Variants in CBFA2T2 observed in about 807,000 individuals in gnomAD.
CBFA2T2 encodes CBFA2/RUNX1 partner transcriptional co-repressor 2.
In CBFA2T2, 11 loss-of-function variants were observed where a neutral mutation model predicts 62.2. That is an observed-to-expected ratio of 0.18 (90% CI 0.11 to 0.29). The LOEUF is 0.29. Ranked by LOEUF, CBFA2T2 falls within the 10% of genes least tolerant of loss-of-function variation. The pLI is 1.00. For synonymous variants in CBFA2T2, 295 were observed against 287.5 expected, an observed-to-expected ratio of 1.03 and a Z score of -0.27; for missense variants, 592 against 774.1, an observed-to-expected ratio of 0.76 and a Z score of 2.79.
chr20:33,514,317 C>T (rs962769149), intron 1 of CBFA2T2, among the ~76,000 whole-genome samples: 1 of 138,540 alleles, frequency 7.2e-6, no homozygotes, highest in African/African-American at 2.6e-5. Context: ...TGGGTTCAAA[C>T]GATTCTCCTG....
chr20:33,578,602 C>T (rs912055041), intron 1 of CBFA2T2, among the ~76,000 whole-genome samples: 4 of 152,166 alleles, frequency 2.6e-5, no homozygotes, highest in African/African-American at 9.7e-5. Context: ...TCCAAAGGGG[C>T]CAACCACATG....
intron 1 of CBFA2T2, among the ~76,000 whole-genome samples, chr20:33,537,270 C>T (rs1332020746): frequency 6.6e-6 from 1 of 152,266 alleles, no homozygotes; most frequent in Non-Finnish European, 1.5e-5. Flanking sequence ...GGATCACTCG[C>T]GGTTAGGAGC....
chr20:33,643,753 C>A (rs747855945), intron 10 of CBFA2T2, among the ~76,000 whole-genome samples: 5 of 56,982 alleles, frequency 8.8e-5, no homozygotes, highest in Non-Finnish European at 1.7e-4. Context: ...CTCATCTCTA[C>A]TATATATATA....
chr20:33,505,792 A>G lies in CBFA2T2; in HGVS notation c.34+15491A>G, dbSNP rs575098241. On this transcript the variant is annotated intron_variant, in intron 1 of 10. Coordinates refer to ENST00000342704, the MANE Select transcript of CBFA2T2 (RefSeq NM_001032999.3). ...GCGAAACTCTTGTTTCAAAAAAAAA[A>G]AGAAAGAAATGGAAGGGGTCAGGTG... Among the ~76,000 whole-genome samples, 22 of 152,070 alleles carry G rather than the reference A, an allele frequency of 1.4e-4. No homozygotes were observed. In the South Asian group the frequency reaches 1.9e-3, roughly 13 times the overall value.
At chr20:33,558,130 C>T (rs892816256) in intron 1 of CBFA2T2, among the ~76,000 whole-genome samples, 10 of 150,622 alleles carry the variant, frequency 6.6e-5, no homozygotes, top group Admixed American at 2.6e-4. Flanking sequence ...CCTGGGCGCG[C>T]TCTCTCTTTT....
At chr20:33,559,014 T>C (rs183600632) in intron 1 of CBFA2T2, among the ~76,000 whole-genome samples, 2 of 152,268 alleles carry the variant, frequency 1.3e-5, no homozygotes, top group East Asian at 3.9e-4. Context: ...GAAAGACAGA[T>C]GAAATGCTTG....
At chr20:33,642,108 TTTTTTTTTTGTG>T (rs750825881) in intron 10 of CBFA2T2, among the ~76,000 whole-genome samples, 1,190 of 55,370 alleles carry the variant, frequency 0.021, 31 homozygotes, top group African/African-American at 0.052. Flanking sequence ...CCTTTGTCTT[TTTTTTTTTTGTG>T]TGTGTGTGTG....
At chr20:33,611,453 CAGACT>C in intron 3 of CBFA2T2, 118 bp downstream of exon 3, 2 of 1,125,128 alleles carry the variant, frequency 1.8e-6, no homozygotes, top group Non-Finnish European at 2.6e-6. Flanking sequence ...GCAAATGCTA[CAGACT>C]AGACTAGTTA....
At chr20:33,505,863 C>T (rs1008168746) in intron 1 of CBFA2T2, among the ~76,000 whole-genome samples, 5 of 151,656 alleles carry the variant, frequency 3.3e-5, no homozygotes, top group Non-Finnish European at 7.4e-5. Context: ...GGCTGAGGCA[C>T]ATGGATCACT....
In CBFA2T2 at chr20:33,619,509, C is replaced by T; in HGVS notation, c.421-8C>T. 6.5e-7 allele frequency: 1 copy of T among 1,541,480 alleles called. No homozygotes were observed. The highest frequency in any genetic ancestry group is 2.4e-5 in the East Asian group (1 of 41,222). On this transcript the variant is annotated splice_region_variant and splice_polypyrimidine_tract_variant and intron_variant, in intron 3 of 10. Transcript: ENST00000342704. ...TTGGAAGTTGAACAAGGTTATTTAT[C>T]TTTTCAGAACTCAACAGTGACAATT...
chr20:33,591,508 G>T (rs2014634623), intron 1 of CBFA2T2, among the ~76,000 whole-genome samples: 1 of 149,456 alleles, frequency 6.7e-6, no homozygotes, highest in Non-Finnish European at 1.5e-5. Context: ...GAATAAATAT[G>T]TACAAAAAGA....
chr20:33,510,791 G>A (rs939547881), intron 1 of CBFA2T2, among the ~76,000 whole-genome samples: 1 of 152,140 alleles, frequency 6.6e-6, no homozygotes. Flanking sequence ...ATCCTCTCCA[G>A]CATCTGTTGT....
intron 1 of CBFA2T2, among the ~76,000 whole-genome samples, chr20:33,508,939 AACTT>A (rs1201595592): frequency 6.6e-6 from 1 of 152,202 alleles, no homozygotes; most frequent in African/African-American, 2.4e-5. Context: ...GTGGAGCACA[AACTT>A]ACTTGTTTTA....
chr20:33,496,932 G>T (rs1266978997), intron 1 of CBFA2T2, among the ~76,000 whole-genome samples: 1 of 152,162 alleles, frequency 6.6e-6, no homozygotes, highest in Non-Finnish European at 1.5e-5. Flanking sequence ...CATGGGTTGT[G>T]CCCTTAGCTG....
chr20:33,623,209 T>A lies in CBFA2T2; in HGVS notation c.605T>A (p.Leu202Gln). ...SQYLAQHEHL[L>Q]LNTSIASPAD... ...TACCTGGCTCAGCACGAACACCTTC[T>A]GCTCAACACAAGCATTGCATCGCCT... The change falls in exon 5 of 11, where the codon CTG (leucine) becomes CAG (glutamine). Residue 202 changes from leucine to glutamine, a missense_variant. Coordinates refer to ENST00000342704, the MANE Select transcript of CBFA2T2 (RefSeq NM_001032999.3). The A allele has an allele frequency of 6.2e-7, 1 of 1,614,254 alleles. No individual in the cohort carries two copies. Among genetic ancestry groups the A allele is most frequent in the Non-Finnish European group, 8.5e-7 (1 of 1,180,038 alleles).
At chr20:33,561,474 A>G (rs111861804) in intron 1 of CBFA2T2, among the ~76,000 whole-genome samples, 2 of 152,132 alleles carry the variant, frequency 1.3e-5, no homozygotes, top group African/African-American at 2.4e-5. Flanking sequence ...CCTTCACTCA[A>G]TTTGCCCCAG....
intron 1 of CBFA2T2, among the ~76,000 whole-genome samples, chr20:33,576,066 C>T (rs527731744): frequency 3.9e-5 from 6 of 152,162 alleles, no homozygotes; most frequent in African/African-American, 7.2e-5. Context: ...GGATTACAGG[C>T]GTGAGCCACC....
chr20:33,516,005 A>G (rs772762526), intron 1 of CBFA2T2, among the ~76,000 whole-genome samples: 1 of 152,118 alleles, frequency 6.6e-6, no homozygotes, highest in South Asian at 2.1e-4. Flanking sequence ...ATTAGCCAGT[A>G]GCACACCTGT....
At chr20:33,585,705 T>G (rs1358836082) in intron 1 of CBFA2T2, among the ~76,000 whole-genome samples, 1 of 152,254 alleles carries the variant, frequency 6.6e-6, no homozygotes, top group Non-Finnish European at 1.5e-5. Flanking sequence ...CATTTATTTC[T>G]GTGCTTTTTG....
Sources: gnomAD v4.1 joint callset for allele counts (sites outside exome capture counted in the v4.1 genomes callset) on GRCh38, gnomAD v4.1.1 for gene constraint, MANE v1.5 for transcripts, NCBI Gene and HGNC (gene_info 2026-07-23, HGNC 2026-07-21) for gene names.